CCBE1: variants seen among roughly 807,000 people sequenced by gnomAD.
The protein encoded by CCBE1 is collagen and calcium-binding EGF domain-containing protein 1.
CCBE1 carries 37 observed loss-of-function variants against 50.0 expected under a neutral mutation model. The observed-to-expected ratio is 0.74, with a 90% CI of 0.57 to 0.97. CCBE1 has a LOEUF of 0.97. Ranked by LOEUF, CCBE1 falls within the 50% of genes least tolerant of loss-of-function variation. The pLI, the probability that CCBE1 is intolerant of heterozygous loss-of-function variation, is 0.00. For synonymous variants in CCBE1, 234 were observed against 203.7 expected (o/e 1.15, Z -1.27); for missense variants, 538 against 523.8 (o/e 1.03, Z -0.26).
At chr18:59,504,679 T>C (rs1913787841) in intron 2 of CCBE1, among the ~76,000 whole-genome samples, 1 of 152,216 alleles carries the variant, frequency 6.6e-6, no homozygotes, top group Admixed American at 6.5e-5. Context: ...ACATTTTGCA[T>C]GGCAAATGCT....
At chr18:59,623,024 A>C (rs1298105516) in intron 2 of CCBE1, among the ~76,000 whole-genome samples, 1 of 152,146 alleles carries the variant, frequency 6.6e-6, no homozygotes, top group East Asian at 1.9e-4. Context: ...GACTTTGGGT[A>C]ATAATGATGT....
intron 2 of CCBE1, among the ~76,000 whole-genome samples, chr18:59,574,599 CTA>C (rs1218738500): frequency 6.6e-6 from 1 of 152,186 alleles, no homozygotes; most frequent in African/African-American, 2.4e-5. Flanking sequence ...CTTCTATACT[CTA>C]TTTTTGAGGA....
chr18:59,628,887 A>G (rs2053819323), intron 2 of CCBE1, among the ~76,000 whole-genome samples: 1 of 152,166 alleles, frequency 6.6e-6, no homozygotes, highest in Non-Finnish European at 1.5e-5. Context: ...AGCAAGTCCT[A>G]TTAGTACCAC....
intron 2 of CCBE1, among the ~76,000 whole-genome samples, chr18:59,637,337 C>T (rs1041605391): frequency 3.2e-4 from 48 of 152,192 alleles, no homozygotes; most frequent in African/African-American, 7.2e-4. Context: ...TAAAATTAGA[C>T]GCTTTGCTAA....
Position 59,623,251 on chromosome 18 carries a change from G to A in CCBE1, c.212+73378C>T, listed in dbSNP as rs2053736027. Among the ~76,000 whole-genome samples the A allele has an allele frequency of 2.6e-5, 4 of 152,292 alleles. No homozygotes were observed. The South Asian group carries it at 8.3e-4, about 32-fold the overall frequency. On this transcript the variant is annotated intron_variant, in intron 2 of 10. Coordinates refer to ENST00000439986, the MANE Select transcript of CCBE1 (RefSeq NM_133459.4). ...ATGAGACAAGCTCCCTGATTTCACT[G>A]GTTACTTCTTCTGCTGTCAGTTAAC...
intron 2 of CCBE1, among the ~76,000 whole-genome samples, chr18:59,488,961 C>T (rs137936675): frequency 2.0e-4 from 30 of 152,312 alleles, no homozygotes; most frequent in African/African-American, 7.2e-4. Flanking sequence ...GTCTAACTCC[C>T]ACAGGCCTGG....
At position 59,670,336 on chromosome 18, in the gene CCBE1, TTAAC is replaced by T. The variant is rs534411859; in HGVS notation, c.212+26289_212+26292del. On this transcript the variant is annotated intron_variant, in intron 2 of 10. Transcript: ENST00000439986. Reference sequence around the variant, plus strand: ...GGAAGAAAAGTCAATATATAAATGGTTAACTAATTCATTCCTCTTCAAGGTGGGA... The same window carrying T: ...GGAAGAAAAGTCAATATATAAATGGTTAATTCATTCCTCTTCAAGGTGGGA... Among the ~76,000 whole-genome samples the T allele has an allele frequency of 5.3e-5, 8 of 152,302 alleles. No individual in the cohort carries two copies. The East Asian group carries it at 1.5e-3, about 29-fold the overall frequency.
chr18:59,463,305 G>T (rs779805265), intron 5 of CCBE1, among the ~76,000 whole-genome samples: 10 of 152,190 alleles, frequency 6.6e-5, no homozygotes, highest in Non-Finnish European at 1.3e-4. Flanking sequence ...GTAGCTCACT[G>T]CAGCCTAGAC....
At chr18:59,571,416 G>A (rs946610993) in intron 2 of CCBE1, among the ~76,000 whole-genome samples, 5 of 135,658 alleles carry the variant, frequency 3.7e-5, no homozygotes, top group South Asian at 5.2e-4. Context: ...TCATAGGTGG[G>A]AATTGAACAA....
At chr18:59,583,692 CGCGCGCGCGT>C (rs1188612180) in intron 2 of CCBE1, among the ~76,000 whole-genome samples, 12 of 130,340 alleles carry the variant, frequency 9.2e-5, no homozygotes, top group African/African-American at 2.4e-4. Flanking sequence ...CGCGCGCGCG[CGCGCGCGCGT>C]GTGTGTGTAT....
chr18:59,598,197 G>A (rs917955486), intron 2 of CCBE1, among the ~76,000 whole-genome samples: 3 of 152,164 alleles, frequency 2.0e-5, no homozygotes, highest in African/African-American at 7.2e-5. Flanking sequence ...GAGTATCAAG[G>A]GAGTTTCAAA....
At chr18:59,599,027 G>A (rs2053393998) in intron 2 of CCBE1, among the ~76,000 whole-genome samples, 1 of 152,140 alleles carries the variant, frequency 6.6e-6, no homozygotes, top group Admixed American at 6.5e-5. Flanking sequence ...CCCACTTCTA[G>A]GTGGACACTT....
chr18:59,488,526 A>G (rs632248), intron 2 of CCBE1, among the ~76,000 whole-genome samples: 35,091 of 152,096 alleles, frequency 0.23, 4,399 homozygotes, highest in Non-Finnish European at 0.28. Context: ...GGTAACAACC[A>G]GAAGGTACTC....
chr18:59,461,361 A>G (rs1254981076), intron 5 of CCBE1, among the ~76,000 whole-genome samples: 1 of 150,640 alleles, frequency 6.6e-6, no homozygotes, highest in Non-Finnish European at 1.5e-5. Context: ...CAGCAGTCCA[A>G]TCTCTTGAAT....
intron 1 of CCBE1, 56 bp downstream of exon 1, chr18:59,697,156 G>A (rs2054819404): frequency 4.5e-6 from 7 of 1,545,364 alleles, no homozygotes; most frequent in African/African-American, 4.1e-5. Flanking sequence ...CGCACCCCGC[G>A]AGCCGGGCGC....
rs1397451539 is a variant in CCBE1 at position 59,581,669 on chromosome 18, A to G, written c.213-101431T>C. On this transcript the variant is annotated intron_variant, in intron 2 of 10. Transcript: ENST00000439986. Reference sequence around the variant, plus strand: ...GGTTTCTCCAAATACACCAACCACTACAGCATTGTCTACTTCTGTATTACT... The same window carrying G: ...GGTTTCTCCAAATACACCAACCACTGCAGCATTGTCTACTTCTGTATTACT... Among the ~76,000 whole-genome samples the G allele has an allele frequency of 3.3e-5, 5 of 152,200 alleles. No homozygotes were observed. The East Asian group carries it at 5.8e-4, about 18-fold the overall frequency.
rs376350719 is a variant in CCBE1, at chr18:59,661,056, G to A, written c.212+35573C>T. On this transcript the variant is annotated intron_variant, in intron 2 of 10. Transcript: ENST00000439986. ...GTATTTTTTTCTCCCCTTGGCCAAC[G>A]CATTTTCCCTGGAGATAGTCCAACA... Among the ~76,000 whole-genome samples, 3 of 151,258 alleles carry A rather than the reference G, an allele frequency of 2.0e-5. No individual in the cohort carries two copies. In the East Asian group the frequency reaches 5.8e-4, roughly 29 times the overall value.
intron 2 of CCBE1, among the ~76,000 whole-genome samples, chr18:59,595,304 T>C (rs2115676): frequency 0.092 from 13,950 of 151,780 alleles, 676 homozygotes; most frequent in East Asian, 0.13. Flanking sequence ...GGCTCACCTC[T>C]GTGGGTCCCA....
chr18:59,444,191 C>A (rs1018083555), intron 7 of CCBE1, among the ~76,000 whole-genome samples: 1 of 127,368 alleles, frequency 7.9e-6, no homozygotes, highest in East Asian at 1.9e-4. Context: ...GTTGCTTCCA[C>A]CTCTTGGCTA....
Sources: gnomAD v4.1 joint callset for allele counts (sites outside exome capture counted in the v4.1 genomes callset) on GRCh38, gnomAD v4.1.1 for gene constraint, MANE v1.5 for transcripts, NCBI Gene and HGNC (gene_info 2026-07-23, HGNC 2026-07-21) for gene names.